ZCCHC14: variants seen among roughly 807,000 people sequenced by gnomAD.
The protein encoded by ZCCHC14 is zinc finger CCHC domain-containing protein 14.
Under a neutral mutation model 85.0 loss-of-function variants are expected in ZCCHC14, and 16 were observed. That is an observed-to-expected ratio of 0.19 (90% CI 0.13 to 0.29). The LOEUF is 0.29. Ranked by LOEUF, ZCCHC14 falls within the 10% of genes least tolerant of loss-of-function variation. The probability of loss-of-function intolerance (pLI) is 1.00; values close to 1 mark genes in which losing one functional copy is unlikely to be tolerated. For missense variants in ZCCHC14, 1,303 were observed against 1,443.5 expected (o/e 0.90, Z 1.58); for synonymous variants, 775 against 630.7 (o/e 1.23, Z -3.43).
chr16:87,446,441 G>A (rs1440451384), intron 2 of ZCCHC14, among the ~76,000 whole-genome samples: 1 of 149,884 alleles, frequency 6.7e-6, no homozygotes, highest in Admixed American at 6.7e-5. Flanking sequence ...CTGAGATTGC[G>A]CCACCGCACT....
intron 1 of ZCCHC14, among the ~76,000 whole-genome samples, chr16:87,478,743 A>G (rs1234068781): frequency 4.6e-5 from 7 of 151,994 alleles, no homozygotes; most frequent in Non-Finnish European, 7.4e-5. Context: ...AGTAGCTGGG[A>G]TAACAGGCGC....
rs765590716 is a variant in ZCCHC14, at chr16:87,433,150, C to T, written c.746G>A (p.Arg249Lys). 6.2e-7 allele frequency: 1 copy of T among 1,614,194 alleles called. No homozygotes were observed. Among genetic ancestry groups the T allele is most frequent in the Non-Finnish European group, 8.5e-7 (1 of 1,180,036 alleles). The change falls in exon 3 of 13, where the codon AGA becomes AAA. Residue 249 changes from arginine to lysine, a missense_variant. By Grantham distance (26) the Arg-to-Lys change is conservative. This residue lies in a region of ZCCHC14 where 389 missense variants were observed against 397.8 expected (regional missense o/e 0.98). Transcript: ENST00000671377. ...LKGLSHTKND[R>K]NVECSFEVLW... ...TACCTCAAAGGAACATTCAACATTTCTGTCATTTTTTGTGTGTGATAATCC... is the reference window on the plus strand; with the variant it reads ...TACCTCAAAGGAACATTCAACATTTTTGTCATTTTTTGTGTGTGATAATCC...
Position 87,411,996 on chromosome 16 carries a change from G to C in ZCCHC14, c.2725C>G (p.Pro909Ala), listed in dbSNP as rs766504983. The change falls in exon 12 of 13, where the codon CCC becomes GCC. Residue 909 changes from proline (P) to alanine (A), a missense_variant. By Grantham distance (27) the Pro-to-Ala change is conservative. Around this residue, in one of 7 missense-constraint regions of ZCCHC14, gnomAD observed 797 missense variants for 730.8 expected, o/e 1.09. Transcript: ENST00000671377. ...NHHHHHHHQQ[P>A]PAPPQPAPPP... ...GGGGCGGGCTGCGGGGGTGCCGGGG[G>C]CTGCTGATGGTGGTGGTGGTGGTGG... The C allele has an allele frequency of 6.2e-7, 1 of 1,609,510 alleles. No individual in the cohort carries two copies. Among genetic ancestry groups the C allele is most frequent in the South Asian group, 1.1e-5 (1 of 91,028 alleles).
chr16:87,429,062 A>G (rs1909518289), intron 3 of ZCCHC14, among the ~76,000 whole-genome samples: 1 of 152,234 alleles, frequency 6.6e-6, no homozygotes, highest in Non-Finnish European at 1.5e-5. Context: ...CCCCCAGGGT[A>G]AATACCTAGG....
At chr16:87,446,642 T>A (rs1372853513) in intron 2 of ZCCHC14, among the ~76,000 whole-genome samples, 2 of 152,092 alleles carry the variant, frequency 1.3e-5, no homozygotes, top group Non-Finnish European at 2.9e-5. Context: ...AATGAGATGA[T>A]GAAAAAGTGG....
At chr16:87,452,923 G>C (rs1910775495) in intron 2 of ZCCHC14, among the ~76,000 whole-genome samples, 1 of 152,242 alleles carries the variant, frequency 6.6e-6, no homozygotes, top group South Asian at 2.1e-4. Flanking sequence ...GGTGGCCCAA[G>C]TGCACACATG....
intron 1 of ZCCHC14, among the ~76,000 whole-genome samples, chr16:87,465,579 C>G (rs1911482098): frequency 6.6e-6 from 1 of 152,220 alleles, no homozygotes; most frequent in South Asian, 2.1e-4. Context: ...CAGCCCGCCT[C>G]TGGCTCTTAT....
intron 2 of ZCCHC14, among the ~76,000 whole-genome samples, chr16:87,445,385 G>C (rs965148482): frequency 2.0e-5 from 3 of 152,170 alleles, no homozygotes; most frequent in African/African-American, 7.2e-5. Flanking sequence ...CATTTTTAAA[G>C]ACGCAGATCT....
chr16:87,412,929 G>A lies in ZCCHC14; in HGVS notation c.1792C>T (p.Leu598=). The part of the protein sequence containing the change: ...ESSDKEKPVM[L]LNHFTSSSAR... ...GAACTGGAAGTGAAGTGATTCAGCA[G>A]CATCACCGGCTTCTCCTTGTCAGAG... is the stretch of plus-strand genomic sequence containing the variant. Residue 598 remains leucine, a synonymous_variant, in exon 12 of 13, where the codon CTG becomes TTG. Transcript: ENST00000671377. 6.2e-7 allele frequency: 1 copy of A among 1,602,502 alleles called. No homozygotes were observed. Among genetic ancestry groups the A allele is most frequent in the Non-Finnish European group, 8.5e-7 (1 of 1,173,708 alleles).
chr16:87,492,020 G>A lies in ZCCHC14; in HGVS notation c.219C>T (p.Gly73=), dbSNP rs937306924. 544 of 1,390,104 alleles carry A rather than the reference G, an allele frequency of 3.9e-4. 1 individual carries two copies. Among genetic ancestry groups the A allele is most frequent in the Non-Finnish European group, 4.7e-4 (507 of 1,078,632 alleles). The allele number at this position is 1,390,104 out of a possible 1,614,324, so 86.1% of individuals were successfully genotyped here. A position where few individuals can be genotyped will look rare whatever the true frequency, so the allele number is the denominator to read the frequency against. The change falls in exon 1 of 13, where the codon GGC becomes GGT. Residue 73 remains glycine (G), a synonymous_variant. Coordinates refer to ENST00000671377, the MANE Select transcript of ZCCHC14 (RefSeq NM_015144.3). This position sits in a 1 kb window ranked among gnomAD's most constrained non-coding sequence, Gnocchi z 6.7. ...CCTCGTCCGTCAGGTTGGTGAGGCT[G>A]CCCAGGTCGGCCGGGTTGTTGGCCT... ...EIKANNPADL[G]SLTNLTDEVV...
chr16:87,443,053 G>C (rs1305277244), intron 2 of ZCCHC14, among the ~76,000 whole-genome samples: 1 of 152,230 alleles, frequency 6.6e-6, no homozygotes, highest in African/African-American at 2.4e-5. Flanking sequence ...AGAAAAGCAA[G>C]AGAAATGTGA....
At chr16:87,446,102 G>C (rs942449780) in intron 2 of ZCCHC14, among the ~76,000 whole-genome samples, 1 of 151,604 alleles carries the variant, frequency 6.6e-6, no homozygotes, top group African/African-American at 2.4e-5. Flanking sequence ...GGGAGGCAGA[G>C]GTTGTAGTGA....
intron 1 of ZCCHC14, among the ~76,000 whole-genome samples, chr16:87,474,632 T>C (rs1911920960): frequency 6.6e-6 from 1 of 152,164 alleles, no homozygotes; most frequent in African/African-American, 2.4e-5. Flanking sequence ...CACGGGTTTC[T>C]TGTCCTGGGG....
At chr16:87,467,090 G>C (rs1276157785) in intron 1 of ZCCHC14, 1 of 565,014 alleles carries the variant, frequency 1.8e-6, no homozygotes, top group Admixed American at 3.0e-5. Context: ...CCGCTATGTT[G>C]CCCCATCTGA....
chr16:87,415,402 G>T, intron 8 of ZCCHC14, 35 bp from the exon 9 acceptor site: 2 of 1,573,434 alleles, frequency 1.3e-6, no homozygotes, highest in Non-Finnish European at 8.7e-7. Context: ...AAGTTACGGA[G>T]ACATAAGTAG....
chr16:87,480,478 C>T (rs890182102), intron 1 of ZCCHC14, among the ~76,000 whole-genome samples: 2 of 152,108 alleles, frequency 1.3e-5, no homozygotes, highest in African/African-American at 2.4e-5. Flanking sequence ...CTAGAATCTC[C>T]AGCTACATAA....
intron 6 of ZCCHC14, among the ~76,000 whole-genome samples, chr16:87,419,154 A>G (rs1908955172): frequency 7.1e-6 from 1 of 141,670 alleles, no homozygotes; most frequent in Non-Finnish European, 1.5e-5. Flanking sequence ...TTGGAGATGG[A>G]GTCTTGCTCT....
At chr16:87,418,345 G>A (rs1220203572) in intron 7 of ZCCHC14, among the ~76,000 whole-genome samples, 4 of 152,118 alleles carry the variant, frequency 2.6e-5, no homozygotes, top group South Asian at 4.1e-4. Flanking sequence ...ACCCTACCCC[G>A]ACACCAGGAG....
chr16:87,449,615 C>T (rs955740104), intron 2 of ZCCHC14, among the ~76,000 whole-genome samples: 9 of 152,146 alleles, frequency 5.9e-5, no homozygotes, highest in African/African-American at 2.2e-4. Context: ...CTTTAATTTG[C>T]TTTCAAGGTA....
Sources: gnomAD v4.1 joint callset for allele counts (sites outside exome capture counted in the v4.1 genomes callset) on GRCh38, gnomAD v4.1.1 for gene constraint, gnomAD v4.1.1 regional missense constraint, Gnocchi (gnomAD v3.1) non-coding constraint, MANE v1.5 for transcripts, NCBI Gene and HGNC (gene_info 2026-07-23, HGNC 2026-07-21) for gene names.